AOPEP: variants seen among roughly 807,000 people sequenced by gnomAD.
The protein encoded by AOPEP is aminopeptidase O (putative).
AOPEP carries 77 observed loss-of-function variants against 98.1 expected under a neutral mutation model. That is an observed-to-expected ratio of 0.78 (90% CI 0.65 to 0.95). AOPEP has a LOEUF of 0.95. AOPEP is among the 40% of genes least tolerant of loss of function. The pLI is 0.00. For synonymous variants in AOPEP, 346 were observed against 365.3 expected, an observed-to-expected ratio of 0.95 and a Z score of 0.60; for missense variants, 1,024 against 1,024.7, an observed-to-expected ratio of 1.00 and a Z score of 0.01.
At chr9:95,122,244 G>T in the AOPEP span, among the ~76,000 whole-genome samples, 2 of 152,090 alleles carry the variant, frequency 1.3e-5, no homozygotes, top group East Asian at 3.9e-4. Context: ...TTAGATATCA[G>T]GTTTACAGAT....
intron 7 of AOPEP, among the ~76,000 whole-genome samples, chr9:94,946,698 A>G (rs977777074): frequency 9.9e-5 from 15 of 152,154 alleles, no homozygotes; most frequent in African/African-American, 3.6e-4. Flanking sequence ...TTTCCTGACC[A>G]ATAGGTCACT....
intron 5 of AOPEP, among the ~76,000 whole-genome samples, chr9:94,852,063 C>T (rs893442279): frequency 6.6e-5 from 10 of 152,156 alleles, no homozygotes; most frequent in South Asian, 2.1e-4. Flanking sequence ...GTAGCCCTGA[C>T]GAGAGATGAA....
chr9:94,894,707 A>G (rs1010658066), intron 5 of AOPEP, among the ~76,000 whole-genome samples: 1 of 152,226 alleles, frequency 6.6e-6, no homozygotes, highest in Non-Finnish European at 1.5e-5. Flanking sequence ...ATGACCAGCA[A>G]AATACTAATG....
intron 13 of AOPEP, among the ~76,000 whole-genome samples, chr9:95,026,066 C>T (rs2063812735): frequency 6.6e-6 from 1 of 152,196 alleles, no homozygotes; most frequent in African/African-American, 2.4e-5. Flanking sequence ...ATTCTGCATT[C>T]TCATAATGCT....
chr9:94,822,009 A>ACACACACACACACACACACG (rs1554726861), intron 5 of AOPEP, among the ~76,000 whole-genome samples: 7 of 149,770 alleles, frequency 4.7e-5, no homozygotes, highest in African/African-American at 1.7e-4. Flanking sequence ...ACACACACAC[A>ACACACACACACACACACACG]CACGCAGGCA....
intron 14 of AOPEP, among the ~76,000 whole-genome samples, chr9:95,076,372 A>T (rs2069069804): frequency 6.6e-6 from 1 of 152,130 alleles, no homozygotes. Flanking sequence ...GCACCGGATG[A>T]CCCACACCTT....
At chr9:94,843,779 G>GA (rs768427582) in intron 5 of AOPEP, among the ~76,000 whole-genome samples, 7 of 152,102 alleles carry the variant, frequency 4.6e-5, no homozygotes, top group Non-Finnish European at 8.8e-5. Context: ...CTGTTTCATT[G>GA]TTTTTTCTCT....
At chr9:95,081,562 A>T (rs895733657) in intron 15 of AOPEP, among the ~76,000 whole-genome samples, 12 of 152,360 alleles carry the variant, frequency 7.9e-5, no homozygotes, top group Admixed American at 7.8e-4. Context: ...GTGAGGCCTG[A>T]GGCCTCATTA....
At chr9:94,971,640 T>C (rs776613203) in intron 10 of AOPEP, among the ~76,000 whole-genome samples, 3 of 152,220 alleles carry the variant, frequency 2.0e-5, no homozygotes, top group African/African-American at 4.8e-5. Flanking sequence ...AGTCTGTCAG[T>C]GTTCAGGGGC....
chr9:94,889,473 G>A (rs1038862536), intron 5 of AOPEP, among the ~76,000 whole-genome samples: 3 of 152,082 alleles, frequency 2.0e-5, no homozygotes, highest in Admixed American at 6.6e-5. Flanking sequence ...GAACATTCAT[G>A]TGCAAGTTTC....
intron 14 of AOPEP, among the ~76,000 whole-genome samples, chr9:95,063,091 C>T (rs1306168077): frequency 6.6e-6 from 1 of 152,132 alleles, no homozygotes; most frequent in Non-Finnish European, 1.5e-5. Flanking sequence ...GGACTATGGG[C>T]GGGTGCTGGG....
chr9:95,092,078 GTGTGCACA>G (rs1279239708), downstream of AOPEP, among the ~76,000 whole-genome samples: 3 of 149,104 alleles, frequency 2.0e-5, no homozygotes, highest in Non-Finnish European at 3.0e-5. Flanking sequence ...GTGTGTGTGT[GTGTGCACA>G]CACACACACA....
intron 5 of AOPEP, among the ~76,000 whole-genome samples, chr9:94,834,826 A>G (rs990743736): frequency 7.2e-5 from 11 of 151,954 alleles, no homozygotes; most frequent in African/African-American, 2.2e-4. Context: ...ACATACATAC[A>G]TACATACATA....
intron 5 of AOPEP, among the ~76,000 whole-genome samples, chr9:94,920,765 G>A (rs144821588): frequency 1.3e-5 from 2 of 152,312 alleles, no homozygotes; most frequent in East Asian, 3.9e-4. Context: ...TTCAGGAACA[G>A]CCTTGAGAAA....
At chr9:94,988,927 T>A (rs2060689114) in intron 11 of AOPEP, among the ~76,000 whole-genome samples, 1 of 151,308 alleles carries the variant, frequency 6.6e-6, no homozygotes, top group Non-Finnish European at 1.5e-5. Context: ...TTTTTTTTTT[T>A]AGACAAAGTC....
At chr9:95,135,359 T>A in the AOPEP span, 12 of 1,613,956 alleles carry the variant, frequency 7.4e-6, no homozygotes, top group Non-Finnish European at 9.3e-6. Flanking sequence ...CGATGAATCT[T>A]TTATAAAGCA....
chr9:94,732,208 A>G (rs571727720), intron 1 of AOPEP, among the ~76,000 whole-genome samples: 1 of 151,340 alleles, frequency 6.6e-6, no homozygotes, highest in African/African-American at 2.4e-5. Flanking sequence ...ATGCCTTTTA[A>G]TATTCTCCCC....
the AOPEP span, among the ~76,000 whole-genome samples, chr9:95,107,733 G>A: frequency 4.6e-5 from 7 of 152,178 alleles, no homozygotes; most frequent in East Asian, 1.2e-3. Context: ...GCGGGGGGTC[G>A]GGGGGAACAC....
chr9:94,735,970 G>A (rs540560591), intron 1 of AOPEP, among the ~76,000 whole-genome samples: 1 of 152,286 alleles, frequency 6.6e-6, no homozygotes, highest in East Asian at 1.9e-4. Flanking sequence ...CTCAAGGTTC[G>A]TCCAGGTTGT....
Sources: gnomAD v4.1 joint callset for allele counts (sites outside exome capture counted in the v4.1 genomes callset) on GRCh38, gnomAD v4.1.1 for gene constraint, MANE v1.5 for transcripts, NCBI Gene and HGNC (gene_info 2026-07-23, HGNC 2026-07-21) for gene names.